Variants in MAPK14 observed in about 807,000 individuals in gnomAD.
MAPK14 encodes the protein mitogen-activated protein kinase 14, also known as CSAID-binding protein.
A neutral mutation model predicts 49.6 loss-of-function variants in MAPK14; 16 were observed. The observed-to-expected ratio is 0.32, with a 90% confidence interval of 0.22 to 0.49. The LOEUF is 0.49. Ranked by LOEUF, MAPK14 falls within the 20% of genes least tolerant of loss-of-function variation. MAPK14 has a pLI of 0.99. For synonymous variants in MAPK14, 142 were observed against 158.0 expected (o/e 0.90, Z 0.76); for missense variants, 200 against 441.2 (o/e 0.45, Z 4.90).
At chr6:36,105,402 C>T (rs1459702400) in intron 10 of MAPK14, among the ~76,000 whole-genome samples, 2 of 144,480 alleles carry the variant, frequency 1.4e-5, no homozygotes, top group African/African-American at 4.9e-5. Flanking sequence ...AATGCCATGC[C>T]CAGCTAATAA....
chr6:36,043,921 C>T (rs1362605304), intron 1 of MAPK14, among the ~76,000 whole-genome samples: 1 of 150,328 alleles, frequency 6.7e-6, no homozygotes, highest in Non-Finnish European at 1.5e-5. Context: ...AGCGATTCTC[C>T]TGTGTCAGCC....
Position 36,028,299 on chromosome 6 carries a change from C to A in MAPK14, c.116+26C>A. The A allele has an allele frequency of 6.4e-7, 1 of 1,570,848 alleles. No individual in the cohort carries two copies. The highest frequency in any genetic ancestry group is 8.8e-7 in the Non-Finnish European group (1 of 1,141,450). On this transcript the variant is annotated intron_variant, in intron 1 of 11. Coordinates refer to ENST00000229794, the MANE Select transcript of MAPK14 (RefSeq NM_139012.3). The surrounding 1 kb of genome is among the most constrained non-coding windows in gnomAD (Gnocchi z 5.1). ...GTGAGTGTCGCTGGGCCTGGGGCCG[C>A]TGTGGGCAGGGTGGCCCCTCGCGCC...
At chr6:36,034,508 A>T (rs1762661386) in intron 1 of MAPK14, among the ~76,000 whole-genome samples, 1 of 152,190 alleles carries the variant, frequency 6.6e-6, no homozygotes, top group Non-Finnish European at 1.5e-5. Flanking sequence ...CTTATCTAAG[A>T]GGTATAATTA....
intron 1 of MAPK14, among the ~76,000 whole-genome samples, chr6:36,044,909 G>T (rs1261753396): frequency 6.6e-6 from 1 of 152,126 alleles, no homozygotes; most frequent in Non-Finnish European, 1.5e-5. Context: ...CAAGGCAGGA[G>T]GATCACTTAG....
chr6:36,073,385 G>T (rs1057374410), intron 4 of MAPK14, among the ~76,000 whole-genome samples: 1 of 152,212 alleles, frequency 6.6e-6, no homozygotes. Context: ...TAATTTATTT[G>T]TTGGAGGGGC....
chr6:36,031,984 GT>G (rs1762561960), intron 1 of MAPK14, among the ~76,000 whole-genome samples: 1 of 151,758 alleles, frequency 6.6e-6, no homozygotes, highest in Non-Finnish European at 1.5e-5. Flanking sequence ...GTCTTACTGT[GT>G]TGCCCAGGTT....
chr6:36,117,061 G>A, the MAPK14 span, among the ~76,000 whole-genome samples: 8 of 152,152 alleles, frequency 5.3e-5, no homozygotes, highest in African/African-American at 1.9e-4. Context: ...CTCCCTGGCT[G>A]CTGCTGGCCA....
chr6:36,065,818 C>T (rs1177973929), intron 3 of MAPK14, among the ~76,000 whole-genome samples: 1 of 152,120 alleles, frequency 6.6e-6, no homozygotes, highest in African/African-American at 2.4e-5. Context: ...AGGCAGTTTT[C>T]TCCTGGATCC....
At chr6:36,123,415 A>C in the MAPK14 span, among the ~76,000 whole-genome samples, 2 of 152,184 alleles carry the variant, frequency 1.3e-5, no homozygotes, top group African/African-American at 4.8e-5. Context: ...GAAACATCCT[A>C]GGACAGATTG....
In MAPK14 at chr6:36,107,693, C is replaced by T; in HGVS notation, c.1015+65C>T. On this transcript the variant is annotated intron_variant, in intron 11 of 11. Transcript: ENST00000229794. This position sits in a 1 kb window ranked among gnomAD's most constrained non-coding sequence, Gnocchi z 4.3. The stretch of plus-strand genomic sequence containing the variant: ...CCAAAAGCGGTGGGAAAAATAAAAA[C>T]TGAATGGTCATAACCAACTTGCTAA... 7.8e-7 allele frequency: 1 copy of T among 1,278,522 alleles called. No individual in the cohort carries two copies. The highest frequency in any genetic ancestry group is 1.1e-6 in the Non-Finnish European group (1 of 945,344). The allele number at this position is 1,278,522 out of a possible 1,614,324, so 79.2% of individuals were successfully genotyped here. A position where few individuals can be genotyped will look rare whatever the true frequency, so the allele number is the denominator to read the frequency against.
chr6:36,068,886 A>C lies in MAPK14; in HGVS notation c.306-3987A>C, dbSNP rs546911841. On this transcript the variant is annotated intron_variant, in intron 3 of 11. Transcript: ENST00000229794. ...AGTACATTTTACTCACAGGAGTCAC[A>C]TTGAGAAATGTGATTTGTGCTCTCT... is the stretch of plus-strand genomic sequence containing the variant. Among the ~76,000 whole-genome samples, 70 of 152,334 alleles carry C rather than the reference A, an allele frequency of 4.6e-4. No homozygotes were observed. The Middle Eastern group carries it at 0.01, about 22-fold the overall frequency.
At chr6:36,102,764 G>C (rs1765680136) in intron 10 of MAPK14, 115 bp downstream of exon 10, 1 of 1,554,488 alleles carries the variant, frequency 6.4e-7, no homozygotes, top group African/African-American at 1.4e-5. Flanking sequence ...GTTGAATCTT[G>C]GAAGGTGATA....
intron 1 of MAPK14, among the ~76,000 whole-genome samples, chr6:36,037,616 C>T (rs1264579280): frequency 1.3e-5 from 2 of 152,050 alleles, no homozygotes; most frequent in Non-Finnish European, 2.9e-5. Flanking sequence ...CCTTGAGTGC[C>T]TACCATGTAT....
At chr6:36,090,004 C>T (rs1765154278) in intron 8 of MAPK14, among the ~76,000 whole-genome samples, 1 of 152,100 alleles carries the variant, frequency 6.6e-6, no homozygotes, top group Admixed American at 6.6e-5. Flanking sequence ...TGTGTAAAAC[C>T]TTCTTTAATT....
At chr6:36,117,427 T>C in the MAPK14 span, among the ~76,000 whole-genome samples, 1 of 152,210 alleles carries the variant, frequency 6.6e-6, no homozygotes. Context: ...TCCTCTGAGC[T>C]AATGTATTCG....
In MAPK14 at chr6:36,028,002, C is replaced by A; in HGVS notation, c.-156C>A. On this transcript the variant is annotated 5_prime_UTR_variant, in exon 1 of 12. Transcript: ENST00000229794. The surrounding 1 kb of genome is among the most constrained non-coding windows in gnomAD (Gnocchi z 5.1). ...CGCTGCGGCTGACAGCAGCCGCGCGCGCGGGAGTCTGCGGGGTCGCGGCAG... is the reference window on the plus strand; with the variant it reads ...CGCTGCGGCTGACAGCAGCCGCGCGAGCGGGAGTCTGCGGGGTCGCGGCAG... 2 of 450,656 alleles carry A rather than the reference C, an allele frequency of 4.4e-6. No homozygotes were observed. Among genetic ancestry groups the A allele is most frequent in the East Asian group, 7.1e-5 (2 of 28,116 alleles). 27.9% of individuals were successfully genotyped at this position (450,656 alleles called of 1,614,324 possible). A position where few individuals can be genotyped will look rare whatever the true frequency, so the allele number is the denominator to read the frequency against.
chr6:36,036,255 CAA>C (rs35795294), intron 1 of MAPK14, among the ~76,000 whole-genome samples: 1,372 of 104,758 alleles, frequency 0.013, 12 homozygotes, highest in African/African-American at 0.049. Flanking sequence ...GAGTACATCT[CAA>C]AAAAAAAAAA....
At chr6:36,122,982 G>A in the MAPK14 span, among the ~76,000 whole-genome samples, 1 of 152,182 alleles carries the variant, frequency 6.6e-6, no homozygotes, top group Non-Finnish European at 1.5e-5. Flanking sequence ...GTGGTGTGCA[G>A]TGGGGGTCTT....
chr6:36,123,516 C>T, the MAPK14 span, among the ~76,000 whole-genome samples: 1 of 152,198 alleles, frequency 6.6e-6, no homozygotes, highest in African/African-American at 2.4e-5. Context: ...CTCGGTCCCA[C>T]CATTTGGGTC....
Sources: gnomAD v4.1 joint callset for allele counts (sites outside exome capture counted in the v4.1 genomes callset) on GRCh38, gnomAD v4.1.1 for gene constraint, Gnocchi (gnomAD v3.1) non-coding constraint, MANE v1.5 for transcripts, NCBI Gene and HGNC (gene_info 2026-07-23, HGNC 2026-07-21) for gene names.